Variants in PPARGC1A observed in about 807,000 individuals in gnomAD.
The protein encoded by PPARGC1A is peroxisome proliferator-activated receptor gamma coactivator 1-alpha.
Under a neutral mutation model 88.7 loss-of-function variants are expected in PPARGC1A, and 25 were observed. The observed-to-expected ratio is 0.28, with a 90% CI of 0.21 to 0.39. PPARGC1A has a LOEUF of 0.39. Ranked by LOEUF, PPARGC1A falls within the 10% of genes least tolerant of loss-of-function variation. PPARGC1A has a pLI of 1.00. For synonymous variants in PPARGC1A, 363 were observed against 355.6 expected, an observed-to-expected ratio of 1.02 and a Z score of -0.24; for missense variants, 880 against 968.7, an observed-to-expected ratio of 0.91 and a Z score of 1.22.
the PPARGC1A span, among the ~76,000 whole-genome samples, chr4:23,944,273 A>C: frequency 1.3e-5 from 2 of 152,328 alleles, no homozygotes; most frequent in East Asian, 3.9e-4. Context: ...TATTTGAAAG[A>C]ATGCAGTCAT....
At chr4:23,997,984 T>C in the PPARGC1A span, among the ~76,000 whole-genome samples, 37 of 152,344 alleles carry the variant, frequency 2.4e-4, no homozygotes, top group South Asian at 7.7e-3. Flanking sequence ...GGCCATAATG[T>C]AGGATTCATT....
intron 10 of PPARGC1A, among the ~76,000 whole-genome samples, chr4:23,809,763 G>A (rs1329357122): frequency 6.6e-6 from 1 of 151,856 alleles, no homozygotes; most frequent in Non-Finnish European, 1.5e-5. Flanking sequence ...TCTTAATATG[G>A]CCCAATCAAA....
At chr4:23,953,746 C>T in the PPARGC1A span, among the ~76,000 whole-genome samples, 199 of 152,064 alleles carry the variant, frequency 1.3e-3, 2 homozygotes, top group Middle Eastern at 0.02. Flanking sequence ...AAATAGTAAC[C>T]ATTTTATAAT....
the PPARGC1A span, among the ~76,000 whole-genome samples, chr4:23,938,796 G>C: frequency 6.6e-6 from 1 of 152,232 alleles, no homozygotes; most frequent in Admixed American, 6.5e-5. Flanking sequence ...GACAGTGACA[G>C]AGAAGCAAAC....
chr4:24,212,251 G>T, the PPARGC1A span, among the ~76,000 whole-genome samples: 2 of 152,178 alleles, frequency 1.3e-5, no homozygotes, highest in East Asian at 3.8e-4. Context: ...ATGCAGCTTT[G>T]ATATCTGCAC....
chr4:24,113,672 T>C, the PPARGC1A span, among the ~76,000 whole-genome samples: 1 of 152,182 alleles, frequency 6.6e-6, no homozygotes, highest in African/African-American at 2.4e-5. Context: ...GGAGCTTCTC[T>C]TCTATGGGAA....
chr4:24,398,385 CAG>C, the PPARGC1A span, among the ~76,000 whole-genome samples: 1 of 152,126 alleles, frequency 6.6e-6, no homozygotes, highest in African/African-American at 2.4e-5. Context: ...TTCTTACAAA[CAG>C]AATGTTTTAC....
chr4:24,066,019 C>A, the PPARGC1A span, among the ~76,000 whole-genome samples: 6 of 152,124 alleles, frequency 3.9e-5, no homozygotes, highest in African/African-American at 1.2e-4. Flanking sequence ...CTAATTCAGG[C>A]GGGCTGCAGC....
At chr4:23,957,409 G>A in the PPARGC1A span, among the ~76,000 whole-genome samples, 2 of 152,156 alleles carry the variant, frequency 1.3e-5, no homozygotes, top group African/African-American at 2.4e-5. Context: ...GGTAGGTAGG[G>A]TATTCAAGAA....
At chr4:24,276,293 CTA>C in the PPARGC1A span, among the ~76,000 whole-genome samples, 1 of 152,200 alleles carries the variant, frequency 6.6e-6, no homozygotes, top group South Asian at 2.1e-4. Context: ...AGAAAAGGAA[CTA>C]TGACTCAAAG....
At chr4:24,194,347 G>A in the PPARGC1A span, among the ~76,000 whole-genome samples, 3 of 151,940 alleles carry the variant, frequency 2.0e-5, no homozygotes, top group Non-Finnish European at 4.4e-5. Context: ...ATATAAAATG[G>A]GGAAGAAGGT....
chr4:24,116,270 G>A, the PPARGC1A span, among the ~76,000 whole-genome samples: 11 of 152,170 alleles, frequency 7.2e-5, no homozygotes, highest in South Asian at 1.0e-3. Flanking sequence ...CTGTCTGGGC[G>A]CTGGCTCTAG....
chr4:23,872,031 G>T (rs58171653), intron 2 of PPARGC1A, among the ~76,000 whole-genome samples: 4,874 of 152,190 alleles, frequency 0.032, 259 homozygotes, highest in African/African-American at 0.11. Flanking sequence ...ATTACCCCAT[G>T]AAGCAAGGAG....
At chr4:24,051,706 T>C in the PPARGC1A span, among the ~76,000 whole-genome samples, 3 of 152,148 alleles carry the variant, frequency 2.0e-5, no homozygotes, top group Admixed American at 6.5e-5. Flanking sequence ...GCATGTTCAG[T>C]GCCTGGATAA....
chr4:24,077,622 G>C, the PPARGC1A span, among the ~76,000 whole-genome samples: 1 of 109,688 alleles, frequency 9.1e-6, no homozygotes, highest in South Asian at 3.4e-4. Context: ...GATGTGTCTA[G>C]GGGTGTGTGT....
At chr4:24,471,176 C>T in the PPARGC1A span, among the ~76,000 whole-genome samples, 3 of 151,902 alleles carry the variant, frequency 2.0e-5, no homozygotes. This position sits in a 1 kb window ranked among gnomAD's most constrained non-coding sequence, Gnocchi z 5.4. Context: ...GGGCCAGCTC[C>T]CCCCGCGGTG....
At chr4:24,143,491 C>A in the PPARGC1A span, among the ~76,000 whole-genome samples, 27 of 152,184 alleles carry the variant, frequency 1.8e-4, no homozygotes, top group African/African-American at 5.8e-4. Context: ...AAGAGAAGAG[C>A]TGATCAAGCA....
chr4:24,250,958 G>A, the PPARGC1A span, among the ~76,000 whole-genome samples: 1 of 152,088 alleles, frequency 6.6e-6, no homozygotes, highest in South Asian at 2.1e-4. Flanking sequence ...GAACTTCCCA[G>A]GCCAAACTCA....
the PPARGC1A span, among the ~76,000 whole-genome samples, chr4:23,910,322 A>ATTATAT: frequency 1.2e-5 from 1 of 81,346 alleles, no homozygotes; most frequent in Non-Finnish European, 2.1e-5. Flanking sequence ...AATATTATAT[A>ATTATAT]TATTATATAT....
Sources: allele counts gnomAD v4.1 joint callset (sites outside exome capture counted in the v4.1 genomes callset), GRCh38; gene constraint gnomAD v4.1.1; non-coding constraint Gnocchi (gnomAD v3.1); transcripts MANE v1.5; gene names NCBI Gene and HGNC (gene_info 2026-07-23, HGNC 2026-07-21).